Variants in ADAMTS9 observed in about 807,000 individuals in gnomAD.
ADAMTS9 encodes ADAM metallopeptidase with thrombospondin type 1 motif 9.
A neutral mutation model predicts 257.1 loss-of-function variants in ADAMTS9; 107 were observed. The ratio of observed to expected loss-of-function variants is 0.42; its 90% CI spans 0.36 to 0.49. The LOEUF is 0.49. Among genes scored for constraint, ADAMTS9 ranks in the 20% least tolerant of loss-of-function variants. ADAMTS9 has a pLI of 0.03. For missense variants in ADAMTS9, 2,353 were observed against 2,469.1 expected, an observed-to-expected ratio of 0.95 and a Z score of 1.00; for synonymous variants, 982 against 880.9, an observed-to-expected ratio of 1.11 and a Z score of -2.03.
At chr3:64,611,264 A>G (rs1163777908) in intron 22 of ADAMTS9, among the ~76,000 whole-genome samples, 1 of 152,174 alleles carries the variant, frequency 6.6e-6, no homozygotes, top group African/African-American at 2.4e-5. Flanking sequence ...TGAGGGATAA[A>G]TGGATAAACA....
At chr3:64,605,726 GCTT>G (rs1165282136) in intron 23 of ADAMTS9, among the ~76,000 whole-genome samples, 1 of 152,176 alleles carries the variant, frequency 6.6e-6, no homozygotes, top group Non-Finnish European at 1.5e-5. Flanking sequence ...TTATCCACCA[GCTT>G]CTTGAGAAAA....
rs1700091653 is a variant in ADAMTS9, at chr3:64,621,092, C to T, written c.2813+22G>A. 1.9e-6 allele frequency: 3 copies of T among 1,595,674 alleles called. No individual in the cohort carries two copies. The African/African-American group carries it at 4.1e-5, about 22-fold the overall frequency. On this transcript the variant is annotated intron_variant, in intron 19 of 39. Transcript: ENST00000498707. ...GACTCTCACAATTCAGTAATAAAGG[C>T]CTTGAGAAAACAGTGGCCCACCTCA... is the stretch of plus-strand genomic sequence containing the variant.
intron 11 of ADAMTS9, among the ~76,000 whole-genome samples, chr3:64,646,115 A>G (rs1700779972): frequency 6.6e-6 from 1 of 152,208 alleles, no homozygotes; most frequent in Non-Finnish European, 1.5e-5. Context: ...TCAGAAATAG[A>G]CATAGTGGGT....
At chr3:64,542,008 A>G in intron 32 of ADAMTS9, 38 bp from the exon 33 acceptor site, 1 of 1,612,878 alleles carries the variant, frequency 6.2e-7, no homozygotes, top group South Asian at 1.1e-5. Flanking sequence ...TGGCTATGGA[A>G]TGTGGGAGGC....
Position 64,633,894 on chromosome 3 carries a change from A to G in ADAMTS9, c.1857-15T>C. 1 of 1,604,056 alleles carries G rather than the reference A, an allele frequency of 6.2e-7. No individual in the cohort carries two copies. Among genetic ancestry groups the G allele is most frequent in the Non-Finnish European group, 8.5e-7 (1 of 1,175,100 alleles). ...CATTTTTTGGTCTGAAAAAGAAAAA[A>G]TGTGAAGAGCACACACACTGTATTA... is the stretch of plus-strand genomic sequence containing the variant. On this transcript the variant is annotated splice_polypyrimidine_tract_variant and intron_variant, in intron 12 of 39. Coordinates refer to ENST00000498707, the MANE Select transcript of ADAMTS9 (RefSeq NM_182920.2).
intron 29 of ADAMTS9, 48 bp downstream of exon 29, chr3:64,568,320 C>T (rs771814557): frequency 1.3e-5 from 20 of 1,565,200 alleles, no homozygotes; most frequent in Admixed American, 6.2e-5. Context: ...GGGTCAGCCA[C>T]GTGGCCAAAC....
At chr3:64,598,596 A>T (rs1416723348) in intron 26 of ADAMTS9, among the ~76,000 whole-genome samples, 1 of 152,150 alleles carries the variant, frequency 6.6e-6, no homozygotes, top group Non-Finnish European at 1.5e-5. Flanking sequence ...CTGGGATTAC[A>T]GGGGTGAGCC....
chr3:64,517,593 A>G (rs1349572753), intron 39 of ADAMTS9, among the ~76,000 whole-genome samples: 1 of 151,408 alleles, frequency 6.6e-6, no homozygotes, highest in African/African-American at 2.4e-5. Flanking sequence ...TGCTGTAAGA[A>G]ACTTGGAGGT....
At chr3:64,575,758 T>C (rs544343080) in intron 28 of ADAMTS9, among the ~76,000 whole-genome samples, 5 of 152,272 alleles carry the variant, frequency 3.3e-5, no homozygotes, top group South Asian at 2.1e-4. Flanking sequence ...GTAGTAACTG[T>C]ACCCAATATC....
At chr3:64,632,257 C>T (rs1030223691) in intron 14 of ADAMTS9, among the ~76,000 whole-genome samples, 1 of 151,196 alleles carries the variant, frequency 6.6e-6, no homozygotes, top group South Asian at 2.1e-4. Flanking sequence ...TAAGTAAGCA[C>T]AGTAATTTTT....
chr3:64,541,405 C>T lies in ADAMTS9; in HGVS notation c.5302G>A (p.Ala1768Thr). The part of the protein sequence containing the change: ...IRGKLLKIFC[A>T]GMHSDHPKEY... The stretch of plus-strand genomic sequence containing the variant: ...TTGGGGTGGTCAGAGTGCATCCCCG[C>T]ACAGAATATCTGAAAGACCATAAAT... Residue 1768 changes from alanine (A) to threonine (T), a missense_variant, in exon 35 of 40, where the codon GCG (alanine) becomes ACG (threonine). Coordinates refer to ENST00000498707, the MANE Select transcript of ADAMTS9 (RefSeq NM_182920.2). 1.2e-6 allele frequency: 2 copies of T among 1,614,068 alleles called. No homozygotes were observed. Among genetic ancestry groups the T allele is most frequent in the East Asian group, 2.2e-5 (1 of 44,858 alleles).
At chr3:64,674,970 G>A (rs1701591732) in intron 3 of ADAMTS9, among the ~76,000 whole-genome samples, 1 of 152,192 alleles carries the variant, frequency 6.6e-6, no homozygotes, top group Admixed American at 6.5e-5. Context: ...AGTCATTAGA[G>A]TCTTGGTGGG....
At chr3:64,615,558 T>C (rs563488938) in intron 20 of ADAMTS9, 73 bp from the exon 21 acceptor site, 284 of 1,456,566 alleles carry the variant, frequency 1.9e-4, no homozygotes, top group Non-Finnish European at 2.4e-4. Flanking sequence ...CCTGGCTATG[T>C]TGTCTCTTCC....
At chr3:64,566,960 C>T (rs1250149133) in intron 29 of ADAMTS9, among the ~76,000 whole-genome samples, 2 of 151,440 alleles carry the variant, frequency 1.3e-5, no homozygotes, top group East Asian at 1.9e-4. Flanking sequence ...ATATGCTCCC[C>T]GAAGGAAGGC....
chr3:64,528,715 ATAACAT>A, intron 38 of ADAMTS9, among the ~76,000 whole-genome samples: 1 of 152,316 alleles, frequency 6.6e-6, no homozygotes, highest in East Asian at 1.9e-4. Context: ...TGAAAACGTT[ATAACAT>A]TAATAGCCAG....
chr3:64,618,901 T>C (rs1700032046), intron 19 of ADAMTS9, among the ~76,000 whole-genome samples: 1 of 152,188 alleles, frequency 6.6e-6, no homozygotes, highest in South Asian at 2.1e-4. Context: ...TTACATTTTA[T>C]GTCTAAAGGC....
chr3:64,570,720 A>T (rs1374846908), intron 28 of ADAMTS9, among the ~76,000 whole-genome samples: 1 of 146,898 alleles, frequency 6.8e-6, no homozygotes, highest in African/African-American at 2.5e-5. Flanking sequence ...AAAAAAAAAA[A>T]AAGATGTATT....
chr3:64,558,902 G>C (rs1051298150), intron 30 of ADAMTS9, among the ~76,000 whole-genome samples: 1 of 152,146 alleles, frequency 6.6e-6, no homozygotes, highest in African/African-American at 2.4e-5. Context: ...AGGTCAAGAC[G>C]TCACTAGGTG....
intron 16 of ADAMTS9, among the ~76,000 whole-genome samples, chr3:64,629,954 C>A (rs1197597935): frequency 1.3e-5 from 2 of 152,216 alleles, no homozygotes; most frequent in African/African-American, 4.8e-5. Context: ...AACAAATACT[C>A]ATTTACCAGC....
Sources: allele counts gnomAD v4.1 joint callset (sites outside exome capture counted in the v4.1 genomes callset), GRCh38; gene constraint gnomAD v4.1.1; transcripts MANE v1.5; gene names NCBI Gene and HGNC (gene_info 2026-07-23, HGNC 2026-07-21).